The following SLC25A48 variants were observed in gnomAD, a reference collection of about 807,000 sequenced individuals.
The protein encoded by SLC25A48 is solute carrier family 25 member 48, also known as CTC-321K16.1.
A neutral mutation model predicts 32.2 loss-of-function variants in SLC25A48; 29 were observed. The observed-to-expected ratio is 0.90, with a 90% CI of 0.67 to 1.23. SLC25A48 has a LOEUF of 1.23. Ranked by LOEUF, SLC25A48 falls within the 50% of genes most tolerant of loss-of-function variation. SLC25A48 has a pLI of 0.00. For missense variants in SLC25A48, 399 were observed against 422.7 expected (o/e 0.94, Z 0.49); for synonymous variants, 164 against 172.3 (o/e 0.95, Z 0.38).
intron 3 of SLC25A48, among the ~76,000 whole-genome samples, chr5:135,746,015 G>A (rs545771852): frequency 6.6e-4 from 101 of 152,204 alleles, no homozygotes; most frequent in African/African-American, 2.3e-3. Flanking sequence ...GCCTCCATCC[G>A]TGCCACATCC....
Position 135,781,236 on chromosome 5 carries a change from C to T in SLC25A48, c.-520-31287C>T, listed in dbSNP as rs1325368864. Among the ~76,000 whole-genome samples, 6 of 116,166 alleles carry T rather than the reference C, an allele frequency of 5.2e-5. 2 individuals are homozygous for T. In the East Asian group the frequency reaches 8.6e-4, roughly 17 times the overall value. 76.2% of individuals were successfully genotyped at this position (116,166 alleles called of 152,430 possible). ...CCCGCTGTGATATTGTTTCTAATAT[C>T]CAGGCGGGGGGAGTGGGTGATATTA... On this transcript the variant is annotated intron_variant, in intron 3 of 10. Transcript: ENST00000646290.
rs578101344 is a variant in SLC25A48 at position 135,872,270 on chromosome 5, T to A, written c.679+552T>A. On this transcript the variant is annotated intron_variant, in intron 5 of 7. Coordinates refer to ENST00000681962, the MANE Select transcript of SLC25A48 (RefSeq NM_001349336.2). Reference sequence around the variant, plus strand: ...TCCCTGCTCAGAATCCTGCACCACATCCTTCTTTCATTTAAGGTAAAAGTT... The same window carrying A: ...TCCCTGCTCAGAATCCTGCACCACAACCTTCTTTCATTTAAGGTAAAAGTT... The A allele has an allele frequency of 3.0e-4, 56 of 188,160 alleles. 1 individual carries two copies. In the South Asian group the frequency reaches 9.7e-3, roughly 33 times the overall value. The allele number at this position is 188,160 out of a possible 1,614,324, so 11.7% of individuals were successfully genotyped here. A position where few individuals can be genotyped will look rare whatever the true frequency, so the allele number is the denominator to read the frequency against.
intron 3 of SLC25A48, among the ~76,000 whole-genome samples, chr5:135,737,334 G>A (rs1755399037): frequency 6.6e-6 from 1 of 152,132 alleles, no homozygotes; most frequent in African/African-American, 2.4e-5. Context: ...GATGAGCCGG[G>A]AGAAGGAATT....
At chr5:135,832,885 TC>T (rs1347593397), upstream of SLC25A48, among the ~76,000 whole-genome samples, 5 of 152,180 alleles carry the variant, frequency 3.3e-5, no homozygotes, top group African/African-American at 1.2e-4. Flanking sequence ...AGGGAGTGGA[TC>T]TCTGTGGAGT....
At chr5:135,767,857 C>A (rs961077900) in intron 3 of SLC25A48, among the ~76,000 whole-genome samples, 5 of 151,168 alleles carry the variant, frequency 3.3e-5, no homozygotes, top group Non-Finnish European at 7.4e-5. Flanking sequence ...TTTGTACACC[C>A]CCTTGTGATG....
intron 4 of SLC25A48, among the ~76,000 whole-genome samples, chr5:135,870,693 A>T (rs1761565240): frequency 6.6e-6 from 1 of 152,158 alleles, no homozygotes; most frequent in Non-Finnish European, 1.5e-5. Context: ...AATTCATGTC[A>T]GCAACCTTGG....
chr5:135,797,720 C>A (rs1003621657), intron 3 of SLC25A48, among the ~76,000 whole-genome samples: 6 of 150,372 alleles, frequency 4.0e-5, no homozygotes, highest in South Asian at 2.1e-4. Context: ...AAAGTGTAAA[C>A]CCCCCCCGTG....
In SLC25A48 at chr5:135,834,736, T is replaced by C. The variant is rs1758351466; in HGVS notation, c.-112T>C. The C allele has an allele frequency of 8.4e-7, 1 of 1,187,718 alleles. No homozygotes were observed. The highest frequency in any genetic ancestry group is 1.2e-6 in the Non-Finnish European group (1 of 854,300). The allele number at this position is 1,187,718 out of a possible 1,614,324, so 73.6% of individuals were successfully genotyped here. A position where few individuals can be genotyped will look rare whatever the true frequency, so the allele number is the denominator to read the frequency against. ...TGGGTTTGGAGTAGGACCTGCGGCG[T>C]GCTCGAGACTCCGACTTCGGTCTTG... On this transcript the variant is annotated 5_prime_UTR_variant, in exon 1 of 8. Coordinates refer to ENST00000681962, the MANE Select transcript of SLC25A48 (RefSeq NM_001349336.2).
At chr5:135,688,540 A>G (rs756680374) in intron 3 of SLC25A48, among the ~76,000 whole-genome samples, 2 of 152,262 alleles carry the variant, frequency 1.3e-5, no homozygotes, top group Non-Finnish European at 2.9e-5. Flanking sequence ...AAGAAATTGC[A>G]AAATAACTTA....
chr5:135,793,163 A>G (rs933197108), intron 3 of SLC25A48, among the ~76,000 whole-genome samples: 6 of 150,846 alleles, frequency 4.0e-5, no homozygotes, highest in African/African-American at 1.5e-4. Flanking sequence ...TCCGGGGGAG[A>G]TGTTATTCTC....
At chr5:135,789,079 A>AAG (rs754435899) in intron 3 of SLC25A48, among the ~76,000 whole-genome samples, 41 of 148,410 alleles carry the variant, frequency 2.8e-4, no homozygotes, top group Middle Eastern at 3.8e-3. Context: ...AATATCCGAG[A>AAG]AGAGAGAGAG....
intron 3 of SLC25A48, among the ~76,000 whole-genome samples, chr5:135,757,359 A>G (rs1162360599): frequency 6.7e-6 from 1 of 149,636 alleles, no homozygotes; most frequent in Non-Finnish European, 1.5e-5. Flanking sequence ...AACACACAAT[A>G]ATATTAATAA....
At chr5:135,715,824 T>G (rs1208820512) in intron 3 of SLC25A48, among the ~76,000 whole-genome samples, 3 of 152,344 alleles carry the variant, frequency 2.0e-5, no homozygotes, top group Middle Eastern at 3.4e-3. Context: ...AGCCATTTCC[T>G]GTATTATAAA....
intron 2 of SLC25A48, among the ~76,000 whole-genome samples, chr5:135,847,733 A>T (rs1580979080): frequency 6.6e-6 from 1 of 152,254 alleles, no homozygotes; most frequent in Middle Eastern, 3.4e-3. Flanking sequence ...GAACCCCAAA[A>T]GCTGGGGGAG....
intron 4 of SLC25A48, among the ~76,000 whole-genome samples, chr5:135,828,050 C>T (rs1468626121): frequency 6.6e-6 from 1 of 152,258 alleles, no homozygotes; most frequent in African/African-American, 2.4e-5. Flanking sequence ...CTGCAGTAGC[C>T]TGTCAGCAAC....
intron 3 of SLC25A48, among the ~76,000 whole-genome samples, chr5:135,798,117 C>T (rs1047628406): frequency 6.6e-6 from 1 of 151,950 alleles, no homozygotes; most frequent in African/African-American, 2.4e-5. Context: ...GATATTGTTC[C>T]TAATATCCAG....
intron 4 of SLC25A48, among the ~76,000 whole-genome samples, chr5:135,854,156 C>A (rs1580996952): frequency 6.6e-6 from 1 of 152,322 alleles, no homozygotes; most frequent in East Asian, 1.9e-4. Flanking sequence ...TGTTCCTTTT[C>A]TAGAACACAC....
At chr5:135,873,802 C>T (rs943085209) in intron 5 of SLC25A48, among the ~76,000 whole-genome samples, 9 of 152,244 alleles carry the variant, frequency 5.9e-5, no homozygotes, top group African/African-American at 1.4e-4. Context: ...TCCCATTTTA[C>T]AGATGAGAAG....
intron 3 of SLC25A48, among the ~76,000 whole-genome samples, chr5:135,683,451 T>G (rs970181378): frequency 2.6e-5 from 4 of 152,310 alleles, no homozygotes; most frequent in Middle Eastern, 3.4e-3. Flanking sequence ...ATCACCCTGA[T>G]CCCTCTTGGC....
Sources: gnomAD v4.1 joint callset for allele counts (sites outside exome capture counted in the v4.1 genomes callset) on GRCh38, gnomAD v4.1.1 for gene constraint, MANE v1.5 for transcripts, NCBI Gene and HGNC (gene_info 2026-07-23, HGNC 2026-07-21) for gene names.